Variants in CNTN5 observed in about 807,000 individuals in gnomAD.
CNTN5 encodes contactin 5.
In CNTN5, 77 loss-of-function variants were observed where a neutral mutation model predicts 129.1. The observed-to-expected ratio is 0.60, with a 90% CI of 0.50 to 0.72. The LOEUF (loss-of-function observed/expected upper bound fraction) is 0.72. CNTN5 is among the 30% of genes least tolerant of loss of function. CNTN5 has a pLI of 0.00. For synonymous variants in CNTN5, 509 were observed against 465.6 expected, an observed-to-expected ratio of 1.09 and a Z score of -1.20; for missense variants, 1,478 against 1,328.8, an observed-to-expected ratio of 1.11 and a Z score of -1.75.
rs776366398 is a variant in CNTN5, at chr11:99,859,046, G to A, written c.577+13784G>A. Among the ~76,000 whole-genome samples the A allele has an allele frequency of 8.7e-4, 132 of 152,126 alleles. 4 individuals carry two copies. The highest frequency in any genetic ancestry group is 1.8e-4 in the Non-Finnish European group (12 of 68,018). On this transcript the variant is annotated intron_variant, in intron 6 of 24. Coordinates refer to ENST00000524871, the MANE Select transcript of CNTN5 (RefSeq NM_014361.4). ...GCTCAAAGTAGCATAGTTAAATGGAGATGAAACAAACATTTATCTTTCTTT... is the reference window on the plus strand; with the variant it reads ...GCTCAAAGTAGCATAGTTAAATGGAAATGAAACAAACATTTATCTTTCTTT...
At chr11:100,221,081 A>T (rs985249440) in intron 15 of CNTN5, among the ~76,000 whole-genome samples, 1 of 152,226 alleles carries the variant, frequency 6.6e-6, no homozygotes, top group East Asian at 1.9e-4. Context: ...ACAAAGTGAC[A>T]TTGGAGCATA....
intron 3 of CNTN5, among the ~76,000 whole-genome samples, chr11:99,768,360 G>A (rs975907688): frequency 3.9e-5 from 6 of 152,086 alleles, no homozygotes; most frequent in Middle Eastern, 3.4e-3. Flanking sequence ...GAAGAACATC[G>A]TCCTATATCT....
intron 2 of CNTN5, among the ~76,000 whole-genome samples, chr11:99,403,031 G>A (rs1398951217): frequency 2.4e-5 from 3 of 127,418 alleles, no homozygotes; most frequent in African/African-American, 8.9e-5. Context: ...TTTTGAGATG[G>A]AGTCTTGCTC....
intron 8 of CNTN5, among the ~76,000 whole-genome samples, chr11:99,994,107 T>G (rs2137428866): frequency 6.6e-6 from 1 of 152,248 alleles, no homozygotes. Flanking sequence ...TGGGCAAAAT[T>G]ACCCCCCAAA....
intron 18 of CNTN5, among the ~76,000 whole-genome samples, chr11:100,295,231 T>G (rs1951077643): frequency 6.6e-6 from 1 of 151,570 alleles, no homozygotes; most frequent in Non-Finnish European, 1.5e-5. Context: ...TATCTTGTCT[T>G]GAAAATAAAT....
At chr11:100,061,017 AAAAGG>A (rs1943451704) in intron 9 of CNTN5, among the ~76,000 whole-genome samples, 190 bp from the exon 10 acceptor site, 1 of 152,234 alleles carries the variant, frequency 6.6e-6, no homozygotes, top group African/African-American at 2.4e-5. Context: ...AATATGAAAG[AAAAGG>A]AAATTCTTTT....
intron 3 of CNTN5, among the ~76,000 whole-genome samples, chr11:99,582,838 C>T (rs1255132779): frequency 6.6e-6 from 1 of 152,184 alleles, no homozygotes; most frequent in Admixed American, 6.5e-5. Context: ...AAAGTCATTC[C>T]CTGTCCAGCT....
chr11:100,352,196 C>A (rs187002293), intron 24 of CNTN5, among the ~76,000 whole-genome samples: 2 of 151,416 alleles, frequency 1.3e-5, no homozygotes, highest in South Asian at 2.1e-4. Flanking sequence ...TAGGCCCTAG[C>A]GTGTACTGGT....
At chr11:99,150,576 T>A (rs910673048) in intron 1 of CNTN5, among the ~76,000 whole-genome samples, 3 of 152,142 alleles carry the variant, frequency 2.0e-5, no homozygotes, top group South Asian at 2.1e-4. Context: ...ATTCAAGAAT[T>A]TGTATCACAT....
At chr11:99,160,975 CA>C (rs1418176967) in intron 1 of CNTN5, among the ~76,000 whole-genome samples, 1 of 152,024 alleles carries the variant, frequency 6.6e-6, no homozygotes, top group African/African-American at 2.4e-5. Context: ...ACAAGTTTAC[CA>C]GGTACAAATC....
chr11:99,869,620 C>A (rs1028479052), intron 6 of CNTN5, among the ~76,000 whole-genome samples: 1 of 152,112 alleles, frequency 6.6e-6, no homozygotes, highest in African/African-American at 2.4e-5. Context: ...GAAACATACT[C>A]ATTTCTTCAG....
chr11:100,143,157 C>T (rs1946747474), intron 13 of CNTN5, among the ~76,000 whole-genome samples: 4 of 152,150 alleles, frequency 2.6e-5, no homozygotes, highest in Non-Finnish European at 5.9e-5. Context: ...CTTGAACATA[C>T]AATGTAATAT....
At chr11:100,011,804 T>G (rs1940551330) in intron 9 of CNTN5, among the ~76,000 whole-genome samples, 1 of 152,162 alleles carries the variant, frequency 6.6e-6, no homozygotes, top group Non-Finnish European at 1.5e-5. Context: ...TGCTGTAGTT[T>G]ATGTTTTCCT....
chr11:99,772,862 T>C (rs1357739053), intron 3 of CNTN5, among the ~76,000 whole-genome samples: 1 of 152,052 alleles, frequency 6.6e-6, no homozygotes, highest in Non-Finnish European at 1.5e-5. Context: ...GAAAGCTGGA[T>C]GGGATTGTAG....
At chr11:99,905,377 T>C (rs1949471838) in intron 6 of CNTN5, among the ~76,000 whole-genome samples, 1 of 152,004 alleles carries the variant, frequency 6.6e-6, no homozygotes, top group African/African-American at 2.4e-5. Flanking sequence ...GTTTTGCAAA[T>C]AGCGTTTATT....
chr11:99,900,856 C>T (rs1200864224), intron 6 of CNTN5, among the ~76,000 whole-genome samples: 1 of 151,870 alleles, frequency 6.6e-6, no homozygotes. Flanking sequence ...TCTTAATACT[C>T]CCTTTTTTTC....
At chr11:99,508,151 C>G (rs948545248) in intron 2 of CNTN5, among the ~76,000 whole-genome samples, 12 of 152,102 alleles carry the variant, frequency 7.9e-5, no homozygotes, top group Admixed American at 1.3e-4. Flanking sequence ...GAAGAAAGAA[C>G]GTAGGCTTGG....
intron 13 of CNTN5, among the ~76,000 whole-genome samples, chr11:100,090,425 C>A (rs1214935925): frequency 1.4e-5 from 2 of 145,912 alleles, no homozygotes; most frequent in Non-Finnish European, 3.0e-5. Context: ...TCTTTTCTGC[C>A]TGCCTGCCTT....
intron 7 of CNTN5, among the ~76,000 whole-genome samples, chr11:99,947,203 A>G (rs971684985): frequency 6.7e-6 from 1 of 149,590 alleles, no homozygotes; most frequent in African/African-American, 2.5e-5. Context: ...ACTTGTACCA[A>G]TTTTTCTACT....
Sources: allele counts gnomAD v4.1 joint callset (sites outside exome capture counted in the v4.1 genomes callset), GRCh38; gene constraint gnomAD v4.1.1; transcripts MANE v1.5; gene names NCBI Gene and HGNC (gene_info 2026-07-23, HGNC 2026-07-21).